Variants in GRIK4 observed in about 807,000 individuals in gnomAD.
GRIK4 encodes glutamate receptor ionotropic, kainate 4.
GRIK4 carries 40 observed loss-of-function variants against 104.9 expected under a neutral mutation model. That is an observed-to-expected ratio of 0.38 (90% confidence interval 0.30 to 0.50). The LOEUF (loss-of-function observed/expected upper bound fraction) is 0.50. Among genes scored for constraint, GRIK4 ranks in the 20% least tolerant of loss-of-function variants. The pLI is 0.93. For synonymous variants in GRIK4, 485 were observed against 524.9 expected, an observed-to-expected ratio of 0.92 and a Z score of 1.04; for missense variants, 1,047 against 1,308.1, an observed-to-expected ratio of 0.80 and a Z score of 3.08.
intron 19 of GRIK4, among the ~76,000 whole-genome samples, chr11:120,973,232 T>C (rs529394493): frequency 6.6e-6 from 1 of 152,264 alleles, no homozygotes; most frequent in African/African-American, 2.4e-5. Context: ...CACAGAGGTC[T>C]AGATGGTTCC....
intron 3 of GRIK4, among the ~76,000 whole-genome samples, chr11:120,766,720 CT>C (rs1951846886): frequency 6.6e-6 from 1 of 152,012 alleles, no homozygotes; most frequent in East Asian, 1.9e-4. Context: ...TTCTCTGACC[CT>C]TTGCACTTCC....
intron 1 of GRIK4, among the ~76,000 whole-genome samples, chr11:120,651,686 A>G (rs1468465297): frequency 1.3e-5 from 2 of 152,080 alleles, no homozygotes; most frequent in African/African-American, 4.8e-5. Flanking sequence ...GTGAATGCTC[A>G]TTACCCCTGG....
At chr11:120,654,692 C>T (rs1949675081) in intron 2 of GRIK4, among the ~76,000 whole-genome samples, 1 of 152,162 alleles carries the variant, frequency 6.6e-6, no homozygotes, top group South Asian at 2.1e-4. Context: ...TTACTCTGAG[C>T]AGCAGTGCAT....
chr11:120,686,683 C>T (rs1293990437), intron 3 of GRIK4, among the ~76,000 whole-genome samples: 2 of 152,182 alleles, frequency 1.3e-5, no homozygotes, highest in Admixed American at 1.3e-4. Flanking sequence ...ACGTTATTGC[C>T]GTTGGCTTTG....
chr11:120,902,887 C>T lies in GRIK4; in HGVS notation c.1273-2403C>T, dbSNP rs987033599. Among the ~76,000 whole-genome samples, 12 of 152,112 alleles carry T rather than the reference C, an allele frequency of 7.9e-5. No individual in the cohort carries two copies. The highest frequency in any genetic ancestry group is 2.9e-4 in the African/African-American group (12 of 41,390). On this transcript the variant is annotated intron_variant, in intron 12 of 20. Coordinates refer to ENST00000527524, the MANE Select transcript of GRIK4 (RefSeq NM_014619.5). The surrounding 1 kb of genome is among the most constrained non-coding windows in gnomAD (Gnocchi z 4.5). ...TGTGTGGAAGGCAGGCTGACCGTTC[C>T]TATCTCATTGACGTGACAGTGGACT... is the stretch of plus-strand genomic sequence containing the variant.
intron 13 of GRIK4, among the ~76,000 whole-genome samples, chr11:120,916,522 CGGTGAA>C (rs1376512407): frequency 2.0e-5 from 3 of 151,946 alleles, no homozygotes; most frequent in Non-Finnish European, 2.9e-5. Context: ...GCCTGAAACA[CGGTGAA>C]GTGGTAACAT....
At chr11:120,666,555 C>T (rs1348572657) in intron 3 of GRIK4, among the ~76,000 whole-genome samples, 1 of 152,188 alleles carries the variant, frequency 6.6e-6, no homozygotes, top group Non-Finnish European at 1.5e-5. Context: ...TGTGATCCAT[C>T]ATTGGTAAGG....
At chr11:120,720,814 T>C (rs1429116534) in intron 3 of GRIK4, among the ~76,000 whole-genome samples, 1 of 152,120 alleles carries the variant, frequency 6.6e-6, no homozygotes, top group Non-Finnish European at 1.5e-5. Context: ...TAAAATGAAT[T>C]GAGAAATCAT....
intron 13 of GRIK4, among the ~76,000 whole-genome samples, chr11:120,937,580 G>A (rs11218065): frequency 2.6e-5 from 4 of 152,038 alleles, no homozygotes; most frequent in Admixed American, 2.0e-4. Flanking sequence ...CCTCTTGACC[G>A]GGGACAAAGG....
At chr11:120,878,179 C>T (rs1954869551) in intron 11 of GRIK4, among the ~76,000 whole-genome samples, 2 of 152,254 alleles carry the variant, frequency 1.3e-5, no homozygotes, top group African/African-American at 4.8e-5. Flanking sequence ...TCTTTGGCAG[C>T]AGCACACATA....
rs1326160178 is a variant in GRIK4, at chr11:120,511,856, C to T, written c.-190C>T. The T allele has an allele frequency of 5.8e-6, 2 of 346,770 alleles. No homozygotes were observed. Among genetic ancestry groups the T allele is most frequent in the Middle Eastern group, 9.7e-4 (1 of 1,034 alleles). 21.5% of individuals were successfully genotyped at this position (346,770 alleles called of 1,614,324 possible). A position where few individuals can be genotyped will look rare whatever the true frequency, so the allele number is the denominator to read the frequency against. ...GGCCGGCCCGGCAGCGCCCGGCCCCCGGCTCAGCCCCCGGAGTGCGGAGCC... is the reference window on the plus strand; with the variant it reads ...GGCCGGCCCGGCAGCGCCCGGCCCCTGGCTCAGCCCCCGGAGTGCGGAGCC... On this transcript the variant is annotated 5_prime_UTR_variant, in exon 1 of 21. Coordinates refer to ENST00000527524, the MANE Select transcript of GRIK4 (RefSeq NM_014619.5).
chr11:120,701,021 A>T (rs1950543519), intron 3 of GRIK4, among the ~76,000 whole-genome samples: 1 of 152,196 alleles, frequency 6.6e-6, no homozygotes, highest in Admixed American at 6.5e-5. Flanking sequence ...GTAGCCTAGG[A>T]GCAATACGCT....
At chr11:120,918,570 T>TG (rs1183193890) in intron 13 of GRIK4, among the ~76,000 whole-genome samples, 1 of 151,984 alleles carries the variant, frequency 6.6e-6, no homozygotes, top group Non-Finnish European at 1.5e-5. Context: ...TGCTCTGGGA[T>TG]GGGGGGGTAT....
In GRIK4 at chr11:120,608,054, G is replaced by A. The variant is rs78567288; in HGVS notation, c.-158-45631G>A. 1.5e-3 allele frequency among the ~76,000 whole-genome samples: 223 copies of A among 152,314 alleles called. 7 individuals carry two copies. The East Asian group carries it at 0.038, about 26-fold the overall frequency. On this transcript the variant is annotated intron_variant, in intron 1 of 20. Transcript: ENST00000527524. ...GCTTTTGCAGGGAATGTTTTCAGTC[G>A]TGTGGTAAGGAGCAGAAGCCAGAGA...
At chr11:120,544,652 GC>G (rs1004180047) in intron 1 of GRIK4, among the ~76,000 whole-genome samples, 30 of 152,262 alleles carry the variant, frequency 2.0e-4, no homozygotes, top group African/African-American at 7.0e-4. Flanking sequence ...TTTCAGCACA[GC>G]TGTTATTAGG....
At chr11:120,751,480 T>TGTGCTCTGA (rs1427719071) in intron 3 of GRIK4, among the ~76,000 whole-genome samples, 2 of 152,276 alleles carry the variant, frequency 1.3e-5, no homozygotes, top group African/African-American at 4.8e-5. Context: ...CCAAGCAGAC[T>TGTGCTCTGA]CCCATAAGCC....
At chr11:120,594,303 C>T (rs1948772820) in intron 1 of GRIK4, among the ~76,000 whole-genome samples, 3 of 152,062 alleles carry the variant, frequency 2.0e-5, no homozygotes, top group Non-Finnish European at 4.4e-5. Context: ...CATGGTGAGA[C>T]CCCGTGTCTT....
Position 120,624,680 on chromosome 11 carries a change from C to T in GRIK4, c.-158-29005C>T, listed in dbSNP as rs181787214. ...CGGAGTCTGGGCATTCTCTAGAGCACCTTGGGAATTGCTCTCAACCTGTTC... is the reference window on the plus strand; with the variant it reads ...CGGAGTCTGGGCATTCTCTAGAGCATCTTGGGAATTGCTCTCAACCTGTTC... On this transcript the variant is annotated intron_variant, in intron 1 of 20. Transcript: ENST00000527524. Among the ~76,000 whole-genome samples the T allele has an allele frequency of 2.2e-3, 328 of 152,272 alleles. 2 individuals carry two copies. Among genetic ancestry groups the T allele is most frequent in the South Asian group, 0.019 (90 of 4,822 alleles).
chr11:120,620,316 G>T, intron 1 of GRIK4: 1 of 646,640 alleles, frequency 1.5e-6, no homozygotes, highest in Non-Finnish European at 2.9e-6. Context: ...AACTTTAGTA[G>T]TTTCCCAGAG....
Sources: allele counts gnomAD v4.1 joint callset (sites outside exome capture counted in the v4.1 genomes callset), GRCh38; gene constraint gnomAD v4.1.1; non-coding constraint Gnocchi (gnomAD v3.1); transcripts MANE v1.5; gene names NCBI Gene and HGNC (gene_info 2026-07-23, HGNC 2026-07-21).